MYZAP: variants seen among roughly 807,000 people sequenced by gnomAD.
MYZAP encodes the protein GRINL1A complex locus upstream.
MYZAP carries 66 observed loss-of-function variants against 69.4 expected under a neutral mutation model. The observed-to-expected ratio is 0.95, with a 90% CI of 0.78 to 1.17. MYZAP has a LOEUF of 1.17. Among genes scored for constraint, MYZAP ranks in the 50% most tolerant of loss-of-function variants. The pLI is 0.00. For synonymous variants in MYZAP, 256 were observed against 205.9 expected, an observed-to-expected ratio of 1.24 and a Z score of -2.09; for missense variants, 611 against 556.2, an observed-to-expected ratio of 1.10 and a Z score of -0.99.
At chr15:57,653,561 A>G (rs1020817556) in intron 10 of MYZAP, among the ~76,000 whole-genome samples, 1 of 152,228 alleles carries the variant, frequency 6.6e-6, no homozygotes, top group African/African-American at 2.4e-5. Context: ...ATTAAATGTG[A>G]CCATCAGTTT....
chr15:57,665,201 T>C (rs1272849149), intron 11 of MYZAP, among the ~76,000 whole-genome samples: 1 of 152,242 alleles, frequency 6.6e-6, no homozygotes, highest in Non-Finnish European at 1.5e-5. Context: ...AGCCAGGTCC[T>C]ACTAGCAGGC....
rs763856721 is a variant in MYZAP at position 57,616,822 on chromosome 15, CTT to C, written c.163-1187_163-1186del. Among the ~76,000 whole-genome samples, 137 of 50,046 alleles carry C rather than the reference CTT, an allele frequency of 2.7e-3. No homozygotes were observed. In the East Asian group the frequency reaches 0.044, roughly 16 times the overall value. The allele number at this position is 50,046 out of a possible 152,430, so 32.8% of individuals were successfully genotyped here. ...GAGACTCCATCTAAAAAAAAAAGTG[CTT>C]TTTTTTTTTTTTTTTTTTTTTTTGT... is the stretch of plus-strand genomic sequence containing the variant. On this transcript the variant is annotated intron_variant, in intron 2 of 12. Transcript: ENST00000267853.
At chr15:57,647,919 T>C (rs186497823) in intron 10 of MYZAP, 53 of 985,350 alleles carry the variant, frequency 5.4e-5, no homozygotes, top group Non-Finnish European at 5.9e-5. Context: ...ACCTGAGTCA[T>C]GTGCTGAAAT....
chr15:57,669,361 T>C (rs767413074), intron 11 of MYZAP, among the ~76,000 whole-genome samples: 14 of 152,228 alleles, frequency 9.2e-5, no homozygotes, highest in Non-Finnish European at 1.6e-4. Context: ...TGATCCATTT[T>C]AAGTTGATTT....
chr15:57,675,157 C>A, intron 12 of MYZAP, 89 bp downstream of exon 12: 2 of 1,159,988 alleles, frequency 1.7e-6, no homozygotes, highest in Non-Finnish European at 2.5e-6. Context: ...AGCAGAATTG[C>A]ATTCTTCCTA....
intron 10 of MYZAP, among the ~76,000 whole-genome samples, chr15:57,651,382 G>C (rs1378909015): frequency 6.6e-6 from 1 of 152,144 alleles, no homozygotes; most frequent in Non-Finnish European, 1.5e-5. Flanking sequence ...CATTCCATCT[G>C]CCTCCTCTTG....
chr15:57,663,663 G>A (rs1188672947), intron 11 of MYZAP, among the ~76,000 whole-genome samples: 2 of 152,164 alleles, frequency 1.3e-5, no homozygotes, highest in Admixed American at 1.3e-4. Context: ...GTTCTAGCCT[G>A]CCCTCGGCAG....
chr15:57,676,018 T>C (rs2039094509), intron 12 of MYZAP, among the ~76,000 whole-genome samples: 1 of 152,008 alleles, frequency 6.6e-6, no homozygotes, highest in Non-Finnish European at 1.5e-5. Context: ...TGGTGGGAAG[T>C]AGTGACGAGC....
intron 1 of MYZAP, 96 bp downstream of exon 1, chr15:57,592,205 A>C (rs2033720405): frequency 8.9e-7 from 1 of 1,124,646 alleles, no homozygotes; most frequent in Admixed American, 4.3e-5. Flanking sequence ...GGGAGCCAGC[A>C]CCTGGCCCCG....
intron 10 of MYZAP, among the ~76,000 whole-genome samples, chr15:57,658,770 AC>A (rs1415929438): frequency 9.9e-5 from 15 of 152,178 alleles, no homozygotes; most frequent in Admixed American, 3.9e-4. Flanking sequence ...AGTGGTGACA[AC>A]CCAAAACATG....
chr15:57,620,544 T>G (rs1356028801), intron 3 of MYZAP, among the ~76,000 whole-genome samples: 2 of 152,256 alleles, frequency 1.3e-5, no homozygotes, highest in Admixed American at 6.5e-5. Context: ...TTTAAGGTCC[T>G]GCTAGCCCTC....
intron 12 of MYZAP, among the ~76,000 whole-genome samples, chr15:57,681,578 G>A (rs1345745426): frequency 6.6e-6 from 1 of 152,174 alleles, no homozygotes; most frequent in Non-Finnish European, 1.5e-5. Flanking sequence ...GAGGCCAGGG[G>A]TTCAAGACCA....
intron 12 of MYZAP, among the ~76,000 whole-genome samples, chr15:57,680,488 C>T: frequency 3.9e-5 from 1 of 25,864 alleles, no homozygotes; most frequent in East Asian, 3.3e-3. Context: ...CAGGAGTTCA[C>T]ACACACACAC....
rs916804857 is a variant in MYZAP at position 57,637,752 on chromosome 15, T to C, written c.991T>C (p.Leu331=). 6.2e-6 allele frequency: 10 copies of C among 1,612,132 alleles called. No homozygotes were observed. Among genetic ancestry groups the C allele is most frequent in the Non-Finnish European group, 8.5e-6 (10 of 1,179,090 alleles). Residue 331 remains leucine (L), a synonymous_variant, in exon 9 of 13, where the codon TTA becomes CTA. Coordinates refer to ENST00000267853, the MANE Select transcript of MYZAP (RefSeq NM_001018100.5). The part of the protein sequence containing the change: ...LEHETEMSGE[L]TDSDKERYQQ... ...ACATGAAACAGAAATGTCTGGGGAG[T>C]TAACTGATTCTGACAAGGAAAGGTA...
intron 11 of MYZAP, among the ~76,000 whole-genome samples, chr15:57,672,332 A>G (rs1418764359): frequency 6.6e-6 from 1 of 152,220 alleles, no homozygotes; most frequent in East Asian, 1.9e-4. Context: ...TCTGCCAGCA[A>G]AAAGAAAAAT....
chr15:57,646,047 C>T, intron 10 of MYZAP: 2 of 725,792 alleles, frequency 2.8e-6, no homozygotes, highest in South Asian at 1.5e-5. Flanking sequence ...AAGTACTTCT[C>T]ATAATTGGTA....
chr15:57,682,250 G>T (rs542348218), intron 12 of MYZAP, among the ~76,000 whole-genome samples: 8 of 152,310 alleles, frequency 5.3e-5, no homozygotes, highest in South Asian at 4.1e-4. Flanking sequence ...GAGAGAGAGC[G>T]TGGGGGATTA....
intron 2 of MYZAP, among the ~76,000 whole-genome samples, chr15:57,605,125 C>T (rs1462413861): frequency 6.6e-6 from 1 of 152,110 alleles, no homozygotes; most frequent in East Asian, 1.9e-4. Flanking sequence ...AATTATGGGG[C>T]ACCTACTGTA....
chr15:57,676,436 G>GTATATA (rs1244767243), intron 12 of MYZAP, among the ~76,000 whole-genome samples: 28 of 20,098 alleles, frequency 1.4e-3, no homozygotes, highest in African/African-American at 2.4e-3. Context: ...ATATATATAT[G>GTATATA]TATATATATA....
Sources: allele counts gnomAD v4.1 joint callset (sites outside exome capture counted in the v4.1 genomes callset), GRCh38; gene constraint gnomAD v4.1.1; transcripts MANE v1.5; gene names NCBI Gene and HGNC (gene_info 2026-07-23, HGNC 2026-07-21).